PCDHGB7: variants seen among roughly 807,000 people sequenced by gnomAD.
The protein encoded by PCDHGB7 is protocadherin gamma-B7.
In PCDHGB7, 37 loss-of-function variants were observed where a neutral mutation model predicts 61.4. The observed-to-expected ratio is 0.60, with a 90% CI of 0.46 to 0.79. The LOEUF is 0.79. Among genes scored for constraint, PCDHGB7 ranks in the 30% least tolerant of loss-of-function variants. PCDHGB7 has a pLI of 0.00. For synonymous variants in PCDHGB7, 464 were observed against 503.5 expected, an observed-to-expected ratio of 0.92 and a Z score of 1.05; for missense variants, 1,166 against 1,202.5, an observed-to-expected ratio of 0.97 and a Z score of 0.45.
intron 2 of PCDHGB7, among the ~76,000 whole-genome samples, chr5:141,501,719 T>C (rs1024307894): frequency 6.6e-6 from 1 of 152,028 alleles, no homozygotes; most frequent in African/African-American, 2.4e-5. Context: ...AAAAGACAAA[T>C]ATATTACCCA....
chr5:141,480,381 C>T (rs1018981416), intron 1 of PCDHGB7, among the ~76,000 whole-genome samples: 2 of 151,926 alleles, frequency 1.3e-5, no homozygotes, highest in Non-Finnish European at 2.9e-5. Context: ...CACCACTACA[C>T]TTCAACCATG....
At chr5:141,480,982 C>T (rs1258067957) in intron 1 of PCDHGB7, among the ~76,000 whole-genome samples, 1 of 152,150 alleles carries the variant, frequency 6.6e-6, no homozygotes, top group African/African-American at 2.4e-5. Context: ...TCAGTGAACC[C>T]AGGATGTGGA....
At chr5:141,478,563 C>G (rs1484075735) in intron 1 of PCDHGB7, 16 of 1,596,154 alleles carry the variant, frequency 1.0e-5, no homozygotes, top group African/African-American at 1.3e-5. Context: ...TTTAGCAAGT[C>G]ATGCTTGACC....
intron 1 of PCDHGB7, chr5:141,422,115 T>G: frequency 6.2e-7 from 1 of 1,605,004 alleles, no homozygotes; most frequent in Non-Finnish European, 8.5e-7. Context: ...TCCAATTGGA[T>G]TCACAAACTG....
At chr5:141,464,676 T>A (rs1337677151) in intron 1 of PCDHGB7, among the ~76,000 whole-genome samples, 1 of 152,176 alleles carries the variant, frequency 6.6e-6, no homozygotes. Flanking sequence ...ATAATTTTAA[T>A]TAAAATTTCT....
chr5:141,489,660 G>A lies in PCDHGB7; in HGVS notation c.2416-5147G>A, dbSNP rs763985085. 3 of 1,614,096 alleles carry A rather than the reference G, an allele frequency of 1.9e-6. No individual in the cohort carries two copies. Among genetic ancestry groups the A allele is most frequent in the Non-Finnish European group, 2.5e-6 (3 of 1,180,036 alleles). On this transcript the variant is annotated intron_variant, in intron 1 of 3. Coordinates refer to ENST00000398594, the MANE Select transcript of PCDHGB7 (RefSeq NM_018927.4). The surrounding 1 kb of genome is among the most constrained non-coding windows in gnomAD (Gnocchi z 4.5). Reference sequence around the variant, plus strand: ...GCTTTGCCACCCCTGAGCGAGAGATGCGCATCTCAGAATCAGCAGCATCTG... The same window carrying A: ...GCTTTGCCACCCCTGAGCGAGAGATACGCATCTCAGAATCAGCAGCATCTG...
chr5:141,477,296 G>C lies in PCDHGB7; in HGVS notation c.2416-17511G>C. On this transcript the variant is annotated intron_variant, in intron 1 of 3. Transcript: ENST00000398594. This position sits in a 1 kb window ranked among gnomAD's most constrained non-coding sequence, Gnocchi z 4.9. ...GCTGGTGACCTGCGAAGTTCCACCG[G>C]GTCTCCCTTTCAGCCTTACTTCTTC... 3 of 1,614,064 alleles carry C rather than the reference G, an allele frequency of 1.9e-6. No individual in the cohort carries two copies. Among genetic ancestry groups the C allele is most frequent in the African/African-American group, 1.3e-5 (1 of 75,014 alleles).
intron 2 of PCDHGB7, among the ~76,000 whole-genome samples, chr5:141,496,839 AG>A (rs2099771805): frequency 1.3e-5 from 2 of 151,484 alleles, no homozygotes; most frequent in African/African-American, 4.9e-5. Context: ...CAGAACTCAT[AG>A]GCTTCCAGAC....
At position 141,512,133 on chromosome 5, in the gene PCDHGB7, G is replaced by C. The variant is rs1394116556; in HGVS notation, c.*960G>C. 1 of 152,708 alleles carries C rather than the reference G, an allele frequency of 6.5e-6. No homozygotes were observed. Among genetic ancestry groups the C allele is most frequent in the Non-Finnish European group, 1.5e-5 (1 of 68,102 alleles). The allele number at this position is 152,708 out of a possible 1,614,324, so 9.5% of individuals were successfully genotyped here. On this transcript the variant is annotated 3_prime_UTR_variant, in exon 4 of 4. Transcript: ENST00000398594. ...CCACTACATAATAGGGCTCAGCCCA[G>C]GCAGCCAGCTTTGGGCTGAGCTAAC...
intron 1 of PCDHGB7, chr5:141,427,909 C>G: frequency 6.3e-7 from 1 of 1,576,922 alleles, no homozygotes; most frequent in Non-Finnish European, 8.7e-7. Context: ...GCGCTCAGCG[C>G]CAACATGAGC....
rs781651287 is a variant in PCDHGB7, at chr5:141,505,380, A to G, written c.2475-13A>G. ...CCTGGGAGTCTGTGCTCACCATCCT[A>G]CTCTCTCCCCAGCTCCCAAAATGGC... On this transcript the variant is annotated splice_polypyrimidine_tract_variant and intron_variant, in intron 2 of 3. Transcript: ENST00000398594. The G allele has an allele frequency of 4.3e-6, 7 of 1,613,362 alleles. No homozygotes were observed. The African/African-American group carries it at 5.4e-5, about 12-fold the overall frequency.
rs748115530 is a variant in PCDHGB7 at position 141,489,429 on chromosome 5, G to C, written c.2416-5378G>C. 5 of 1,614,022 alleles carry C rather than the reference G, an allele frequency of 3.1e-6. No individual in the cohort carries two copies. The East Asian group carries it at 8.9e-5, about 29-fold the overall frequency. ...AGATGACAGATCTGTTGAGCCGGCG[G>C]CTGCAATTGGGCTCTGAGGAGAATG... On this transcript the variant is annotated intron_variant, in intron 1 of 3. Transcript: ENST00000398594. The surrounding 1 kb of genome is among the most constrained non-coding windows in gnomAD (Gnocchi z 4.5).
chr5:141,432,908 C>G lies in PCDHGB7; in HGVS notation c.2415+12634C>G, dbSNP rs757934634. 6.2e-7 allele frequency: 1 copy of G among 1,614,168 alleles called. No homozygotes were observed. Reference sequence around the variant, plus strand: ...CATCTTGCTGCTGGCGCTCAGGCTGCGGCGCTGGCACAAGTCACGCCTGCT... The same window carrying G: ...CATCTTGCTGCTGGCGCTCAGGCTGGGGCGCTGGCACAAGTCACGCCTGCT... On this transcript the variant is annotated intron_variant, in intron 1 of 3. Transcript: ENST00000398594. This position sits in a 1 kb window ranked among gnomAD's most constrained non-coding sequence, Gnocchi z 6.0.
chr5:141,509,346 G>A (rs946395640), intron 3 of PCDHGB7, among the ~76,000 whole-genome samples: 7 of 152,194 alleles, frequency 4.6e-5, no homozygotes, highest in Non-Finnish European at 8.8e-5. Flanking sequence ...GCCTGGGCTG[G>A]CCTGGGCATC....
Position 141,418,111 on chromosome 5 carries a change from A to G in PCDHGB7, c.252A>G (p.Leu84=), listed in dbSNP as rs763834283. 19 of 1,613,940 alleles carry G rather than the reference A, an allele frequency of 1.2e-5. No individual in the cohort carries two copies. The highest frequency in any genetic ancestry group is 1.5e-5 in the Non-Finnish European group (18 of 1,179,908). Residue 84 remains leucine (L), a synonymous_variant, in exon 1 of 4, where the codon TTA becomes TTG. Transcript: ENST00000398594. ...HFSVDAQSGD[L]LVKDRIDREQ... ...GCGTAGACGCGCAGAGCGGGGACTTACTTGTGAAGGACCGAATAGACCGTG... is the reference window on the plus strand; with the variant it reads ...GCGTAGACGCGCAGAGCGGGGACTTGCTTGTGAAGGACCGAATAGACCGTG...
At chr5:141,427,426 C>G (rs569185252) in intron 1 of PCDHGB7, 1 of 469,896 alleles carries the variant, frequency 2.1e-6, no homozygotes, top group Admixed American at 2.3e-5. Flanking sequence ...GGGGAGGTTA[C>G]ATGCCTCATA....
chr5:141,511,267 C>G lies in PCDHGB7; in HGVS notation c.*94C>G. The G allele has an allele frequency of 6.5e-7, 1 of 1,549,404 alleles. No homozygotes were observed. The highest frequency in any genetic ancestry group is 8.7e-7 in the Non-Finnish European group (1 of 1,146,836). On this transcript the variant is annotated 3_prime_UTR_variant, in exon 4 of 4. Coordinates refer to ENST00000398594, the MANE Select transcript of PCDHGB7 (RefSeq NM_018927.4). Reference sequence around the variant, plus strand: ...CCAGGCCTCAGAGTTTCAGGGCTAACCCCCAGAATACTGGTAGGGGCCAAG... The same window carrying G: ...CCAGGCCTCAGAGTTTCAGGGCTAAGCCCCAGAATACTGGTAGGGGCCAAG...
Position 141,511,015 on chromosome 5 carries a change from C to T in PCDHGB7, c.2632C>T (p.Pro878Ser), listed in dbSNP as rs1430257603. The T allele has an allele frequency of 1.2e-6, 2 of 1,614,106 alleles. No homozygotes were observed. The highest frequency in any genetic ancestry group is 1.3e-5 in the African/African-American group (1 of 74,936). The stretch of plus-strand genomic sequence containing the variant: ...CATGGGATTGAGCGCCCGCTACGGA[C>T]CCCAGTTCACCCTGCAGCACGTGCC... ...GTMGLSARYG[P>S]QFTLQHVPDY... Residue 878 changes from proline (P) to serine (S), a missense_variant, in exon 4 of 4, where the codon CCC (proline) becomes TCC (serine). Coordinates refer to ENST00000398594, the MANE Select transcript of PCDHGB7 (RefSeq NM_018927.4).
intron 1 of PCDHGB7, among the ~76,000 whole-genome samples, chr5:141,457,517 TTAA>T (rs1261688593): frequency 6.6e-6 from 1 of 152,196 alleles, no homozygotes; most frequent in Non-Finnish European, 1.5e-5. Flanking sequence ...TTAAAAACAA[TTAA>T]TGAGACTAGG....
Sources: allele counts gnomAD v4.1 joint callset (sites outside exome capture counted in the v4.1 genomes callset), GRCh38; gene constraint gnomAD v4.1.1; non-coding constraint Gnocchi (gnomAD v3.1); transcripts MANE v1.5; gene names NCBI Gene and HGNC (gene_info 2026-07-23, HGNC 2026-07-21).